The following MEIS2 variants were observed in gnomAD, a reference collection of about 807,000 sequenced individuals.
MEIS2 encodes Meis homeobox 2, also known as homeobox protein Meis2.
MEIS2 carries 9 observed loss-of-function variants against 58.6 expected under a neutral mutation model. The observed-to-expected ratio is 0.15, with a 90% CI of 0.09 to 0.27. The LOEUF (loss-of-function observed/expected upper bound fraction) is 0.27. Ranked by LOEUF, MEIS2 falls within the 10% of genes least tolerant of loss-of-function variation. The pLI, the probability that MEIS2 is intolerant of heterozygous loss-of-function variation, is 1.00. For missense variants in MEIS2, 427 were observed against 635.0 expected, an observed-to-expected ratio of 0.67 and a Z score of 3.52; for synonymous variants, 221 against 228.4, an observed-to-expected ratio of 0.97 and a Z score of 0.29.
chr15:36,894,810 G>A, intron 11 of MEIS2: 1 of 1,610,014 alleles, frequency 6.2e-7, no homozygotes, highest in Non-Finnish European at 8.5e-7. Flanking sequence ...CCACTCATAG[G>A]TCCTAGAAAG....
intron 8 of MEIS2, among the ~76,000 whole-genome samples, chr15:37,016,272 GCTAT>G (rs1247442876): frequency 1.3e-5 from 2 of 151,918 alleles, no homozygotes; most frequent in Non-Finnish European, 2.9e-5. Context: ...CACACAGAAA[GCTAT>G]CTGTTTTTGA....
At chr15:36,946,366 A>G (rs1208794682) in intron 9 of MEIS2, among the ~76,000 whole-genome samples, 1 of 151,550 alleles carries the variant, frequency 6.6e-6, no homozygotes, top group African/African-American at 2.4e-5. Flanking sequence ...AGTTATTTGA[A>G]GCCACTTACC....
At chr15:37,042,286 A>T (rs1011212835) in intron 7 of MEIS2, among the ~76,000 whole-genome samples, 2 of 152,228 alleles carry the variant, frequency 1.3e-5, no homozygotes, top group Admixed American at 1.3e-4. Context: ...AAAAGCAGTG[A>T]TGATGTGCTA....
At chr15:36,989,961 T>C (rs1202377648) in intron 8 of MEIS2, among the ~76,000 whole-genome samples, 1 of 152,190 alleles carries the variant, frequency 6.6e-6, no homozygotes, top group Non-Finnish European at 1.5e-5. Flanking sequence ...TGTTTGTTTT[T>C]TGAGACAGAG....
At chr15:36,958,758 G>A (rs574101858) in intron 8 of MEIS2, among the ~76,000 whole-genome samples, 2 of 152,228 alleles carry the variant, frequency 1.3e-5, no homozygotes, top group Admixed American at 1.3e-4. Flanking sequence ...GCTTGGCCAT[G>A]CATGTTATGC....
At chr15:36,902,431 G>A (rs1420292311) in intron 9 of MEIS2, among the ~76,000 whole-genome samples, 3 of 152,332 alleles carry the variant, frequency 2.0e-5, no homozygotes, top group Admixed American at 1.3e-4. Flanking sequence ...GTGGATAGGG[G>A]AGTGAGCTCT....
At chr15:37,057,124 C>G (rs1888541316) in intron 7 of MEIS2, among the ~76,000 whole-genome samples, 1 of 152,210 alleles carries the variant, frequency 6.6e-6, no homozygotes, top group Non-Finnish European at 1.5e-5. Context: ...TAGCCTGTAA[C>G]TGGAAGATTA....
intron 9 of MEIS2, among the ~76,000 whole-genome samples, chr15:36,937,329 A>G (rs538038922): frequency 6.6e-6 from 1 of 152,256 alleles, no homozygotes; most frequent in African/African-American, 2.4e-5. Context: ...ATTTGGTCTG[A>G]TCATCTCAAT....
chr15:36,896,513 AAAT>A, intron 10 of MEIS2, 112 bp downstream of exon 10: 1 of 810,196 alleles, frequency 1.2e-6, no homozygotes, highest in Non-Finnish European at 1.9e-6. Context: ...TTAAAAAAAA[AAAT>A]CCAGAATGCC....
intron 8 of MEIS2, among the ~76,000 whole-genome samples, chr15:36,998,458 T>C (rs1166134048): frequency 6.6e-6 from 1 of 151,790 alleles, no homozygotes; most frequent in East Asian, 1.9e-4. Flanking sequence ...TGGACTCAAG[T>C]GATCCTTCCA....
chr15:36,905,198 A>G (rs775349135), intron 9 of MEIS2, among the ~76,000 whole-genome samples: 7 of 152,154 alleles, frequency 4.6e-5, no homozygotes, highest in Non-Finnish European at 8.8e-5. Flanking sequence ...ATACATACAG[A>G]CAGAGTTACC....
chr15:36,982,347 C>T lies in MEIS2; in HGVS notation c.901-31947G>A, dbSNP rs183901243. Among the ~76,000 whole-genome samples, 371 of 152,292 alleles carry T rather than the reference C, an allele frequency of 2.4e-3. 5 individuals carry two copies. Among genetic ancestry groups the T allele is most frequent in the Admixed American group, 0.023 (345 of 15,290 alleles). On this transcript the variant is annotated intron_variant, in intron 8 of 11. Coordinates refer to ENST00000561208, the MANE Select transcript of MEIS2 (RefSeq NM_170675.5). ...AGCCCATGGCAATCACTAATCTACC[C>T]TCTGCTTCTAGGAGTTTAACTCTTT...
chr15:36,975,866 A>C (rs1035867767), intron 8 of MEIS2, among the ~76,000 whole-genome samples: 3 of 152,198 alleles, frequency 2.0e-5, no homozygotes, highest in African/African-American at 7.2e-5. Context: ...AAATTTTAAG[A>C]ATTATCACCA....
rs1198969314 is a variant in MEIS2 at position 36,998,635 on chromosome 15, CTT to C, written c.900+38177_900+38178del. 2.6e-5 allele frequency among the ~76,000 whole-genome samples: 4 copies of C among 152,266 alleles called. No individual in the cohort carries two copies. In the South Asian group the frequency reaches 6.2e-4, roughly 24 times the overall value. On this transcript the variant is annotated intron_variant, in intron 8 of 11. Transcript: ENST00000561208. Reference sequence around the variant, plus strand: ...AATTAAATTATGGTACTTAAACACTCTTTACATTTATCTTCTTTACAGTTTCA... The same window carrying C: ...AATTAAATTATGGTACTTAAACACTCTACATTTATCTTCTTTACAGTTTCA...
intron 9 of MEIS2, among the ~76,000 whole-genome samples, chr15:36,926,904 T>A (rs1171276490): frequency 6.6e-6 from 1 of 152,196 alleles, no homozygotes; most frequent in African/African-American, 2.4e-5. Flanking sequence ...TATAGTCACC[T>A]GCTGGTATAT....
chr15:36,926,041 C>T (rs1435354805), intron 9 of MEIS2, among the ~76,000 whole-genome samples: 3 of 152,174 alleles, frequency 2.0e-5, no homozygotes, highest in Non-Finnish European at 4.4e-5. Context: ...CTTTCCTATC[C>T]AGCCCCGCTT....
At chr15:37,093,827 C>T (rs1408844205) in intron 5 of MEIS2, 97 bp from the exon 6 acceptor site, 14 of 1,517,578 alleles carry the variant, frequency 9.2e-6, no homozygotes, top group East Asian at 4.5e-5. Flanking sequence ...TGCAAGGTTA[C>T]ATTTGCAAAG....
intron 9 of MEIS2, among the ~76,000 whole-genome samples, chr15:36,918,302 T>G (rs977236204): frequency 1.3e-5 from 2 of 152,214 alleles, no homozygotes; most frequent in Non-Finnish European, 2.9e-5. Flanking sequence ...GCTATATCTC[T>G]TACTGAGTGA....
intron 9 of MEIS2, among the ~76,000 whole-genome samples, chr15:36,923,335 T>C (rs957181882): frequency 6.6e-5 from 10 of 152,172 alleles, no homozygotes; most frequent in African/African-American, 9.7e-5. Context: ...TGAGCTTTTT[T>C]TTTTTCTTTT....
Sources: gnomAD v4.1 joint callset for allele counts (sites outside exome capture counted in the v4.1 genomes callset) on GRCh38, gnomAD v4.1.1 for gene constraint, MANE v1.5 for transcripts, NCBI Gene and HGNC (gene_info 2026-07-23, HGNC 2026-07-21) for gene names.